Variants in MS4A7 observed in about 807,000 individuals in gnomAD.
MS4A7 encodes membrane spanning 4-domains A7, also known as membrane-spanning 4-domains subfamily A member 7.
Under a neutral mutation model 23.5 loss-of-function variants are expected in MS4A7, and 21 were observed. The ratio of observed to expected loss-of-function variants is 0.89; its 90% CI spans 0.63 to 1.29. The LOEUF (loss-of-function observed/expected upper bound fraction) is 1.29, where lower values mean the gene tolerates loss of function less well. MS4A7 is among the 50% of genes most tolerant of loss of function. MS4A7 has a pLI of 0.00. For missense variants in MS4A7, 263 were observed against 274.2 expected, an observed-to-expected ratio of 0.96 and a Z score of 0.29; for synonymous variants, 111 against 107.4, an observed-to-expected ratio of 1.03 and a Z score of -0.21.
chr11:60,388,540 G>A (rs116315365), intron 4 of MS4A7, among the ~76,000 whole-genome samples: 250 of 152,356 alleles, frequency 1.6e-3, no homozygotes, highest in African/African-American at 5.8e-3. Flanking sequence ...CACCATCCAT[G>A]TGTCCTCATC....
intron 4 of MS4A7, among the ~76,000 whole-genome samples, chr11:60,387,126 C>T (rs1399946930): frequency 6.6e-6 from 1 of 152,194 alleles, no homozygotes; most frequent in Non-Finnish European, 1.5e-5. Flanking sequence ...CCAGAGAGAG[C>T]CTACAGATCC....
At position 60,393,808 on chromosome 11, in the gene MS4A7, T is replaced by C; in HGVS notation, c.670T>C (p.Ser224Pro). ...CTAGAGTTCATTTTCCTCGACCCAG[T>C]CACAAGATCATATCCAACAGGTCAA... ...NPGSSFSSTQ[S>P]QDHIQQVKKS... Residue 224 changes from serine to proline, a missense_variant, in exon 7 of 7, where the codon TCA (serine) becomes CCA (proline). Ser to Pro is a moderately conservative substitution (Grantham distance 74). Transcript: ENST00000300184. The C allele has an allele frequency of 6.2e-7, 1 of 1,611,566 alleles. No individual in the cohort carries two copies. Among genetic ancestry groups the C allele is most frequent in the Non-Finnish European group, 8.5e-7 (1 of 1,179,070 alleles).
chr11:60,379,055 G>A (rs2085400621), intron 1 of MS4A7, among the ~76,000 whole-genome samples: 1 of 152,206 alleles, frequency 6.6e-6, no homozygotes, highest in African/African-American at 2.4e-5. Flanking sequence ...TATCTTCAAA[G>A]CACGGATTTT....
At chr11:60,389,930 T>A (rs1179030702) in intron 5 of MS4A7, 1 of 260,474 alleles carries the variant, frequency 3.8e-6, no homozygotes, top group Non-Finnish European at 7.5e-6. Context: ...TTCTTCCTAC[T>A]CATCACAGGC....
rs2085580832 is a variant in MS4A7, at chr11:60,393,831, CAA to C, written c.697_698del (p.Lys233GlufsTer27). On this transcript the variant is annotated frameshift_variant, in exon 7 of 7. Transcript: ENST00000300184. LOFTEE classifies it high-confidence loss of function. ...AGTCACAAGATCATATCCAACAGGT[CAA>C]AAAGAGTTCTTCACGGTCTTGGATA... ...TQSQDHIQQV[K>X]KSSSRSWI 1 of 1,611,218 alleles carries C rather than the reference CAA, an allele frequency of 6.2e-7. No individual in the cohort carries two copies. Among genetic ancestry groups the C allele is most frequent in the South Asian group, 1.1e-5 (1 of 90,610 alleles).
At position 60,386,382 on chromosome 11, in the gene MS4A7, G is replaced by T. The variant is rs866805728; in HGVS notation, c.283-335G>T. ...ATCTCTCTGTCCATTCAAGTCATTG[G>T]TCCATCTCAACCTCCTCTCTTTCAA... On this transcript the variant is annotated intron_variant, in intron 3 of 6. Coordinates refer to ENST00000300184, the MANE Select transcript of MS4A7 (RefSeq NM_021201.5). The T allele has an allele frequency of 6.9e-4, 164 of 239,124 alleles. 1 individual carries two copies. The Middle Eastern group carries it at 0.026, about 38-fold the overall frequency. The allele number at this position is 239,124 out of a possible 1,614,324, so 14.8% of individuals were successfully genotyped here. A position where few individuals can be genotyped will look rare whatever the true frequency, so the allele number is the denominator to read the frequency against.
chr11:60,389,395 G>C lies in MS4A7; in HGVS notation c.345G>C (p.Leu115=), dbSNP rs1438328351. The change falls in exon 5 of 7, where the codon CTG becomes CTC. Residue 115 remains leucine, a synonymous_variant. Coordinates refer to ENST00000300184, the MANE Select transcript of MS4A7 (RefSeq NM_021201.5). Reference sequence around the variant, plus strand: ...ATGCAGAGTTTCTCTTCCAGGACCTGAGCAGCTTGACCTCAAATGCAGTGA... The same window carrying C: ...ATGCAGAGTTTCTCTTCCAGGACCTCAGCAGCTTGACCTCAAATGCAGTGA... ...SGKQSTKPFD[L]SSLTSNAVSS... is the part of the protein sequence containing the mutation. 7 of 1,610,070 alleles carry C rather than the reference G, an allele frequency of 4.3e-6. No individual in the cohort carries two copies. In the East Asian group the frequency reaches 1.6e-4, roughly 36 times the overall value.
chr11:60,385,358 C>T, intron 3 of MS4A7, 136 bp downstream of exon 3: 1 of 897,848 alleles, frequency 1.1e-6, no homozygotes, highest in East Asian at 2.4e-5. Flanking sequence ...TATCATTGCC[C>T]CACGTCACAT....
intron 2 of MS4A7, 53 bp from the exon 3 acceptor site, chr11:60,385,035 T>A (rs1276231215): frequency 6.6e-7 from 1 of 1,525,644 alleles, no homozygotes; most frequent in Non-Finnish European, 9.1e-7. Flanking sequence ...ATTCAAATAA[T>A]CACTTTTATC....
chr11:60,389,736 G>A, intron 5 of MS4A7, 140 bp downstream of exon 5: 1 of 740,734 alleles, frequency 1.4e-6, no homozygotes, highest in Non-Finnish European at 2.3e-6. Flanking sequence ...ACTTGTGGTT[G>A]GAAGAGGCCT....
At position 60,380,263 on chromosome 11, in the gene MS4A7, C is replaced by T. The variant is rs77280376; in HGVS notation, c.-14+1599C>T. ...ATGGCATGGATAGAATGACTATTTC[C>T]GTAGAATTGTGAATGTCTGTGAACA... On this transcript the variant is annotated intron_variant, in intron 1 of 6. Coordinates refer to ENST00000300184, the MANE Select transcript of MS4A7 (RefSeq NM_021201.5). Among the ~76,000 whole-genome samples, 59 of 152,122 alleles carry T rather than the reference C, an allele frequency of 3.9e-4. No homozygotes were observed. The East Asian group carries it at 0.011, about 27-fold the overall frequency.
Position 60,392,803 on chromosome 11 carries a change from G to A in MS4A7, c.648+17G>A, listed in dbSNP as rs755455424. ...AACCCTGGGGTGAGTATGCTGACAT[G>A]TCGCCTGATACCTGCTGTGTCTCAG... is the stretch of plus-strand genomic sequence containing the variant. On this transcript the variant is annotated intron_variant, in intron 6 of 6. Transcript: ENST00000300184. 10 of 1,548,368 alleles carry A rather than the reference G, an allele frequency of 6.5e-6. No homozygotes were observed. Among genetic ancestry groups the A allele is most frequent in the Non-Finnish European group, 8.9e-6 (10 of 1,120,362 alleles).
In MS4A7 at chr11:60,393,804, C is replaced by T. The variant is rs774854665; in HGVS notation, c.666C>T (p.Thr222=). ...TTTTCTAGAGTTCATTTTCCTCGAC[C>T]CAGTCACAAGATCATATCCAACAGG... is the stretch of plus-strand genomic sequence containing the variant. ...SNNPGSSFSS[T]QSQDHIQQVK... is the part of the protein sequence containing the mutation. The change falls in exon 7 of 7, where the codon ACC becomes ACT. Residue 222 remains threonine (T), a synonymous_variant. Coordinates refer to ENST00000300184, the MANE Select transcript of MS4A7 (RefSeq NM_021201.5). The T allele has an allele frequency of 6.2e-6, 10 of 1,610,178 alleles. No homozygotes were observed. The highest frequency in any genetic ancestry group is 8.5e-6 in the Non-Finnish European group (10 of 1,178,524).
intron 6 of MS4A7, 55 bp from the exon 7 acceptor site, chr11:60,393,732 T>C (rs1308625950): frequency 6.9e-7 from 1 of 1,440,046 alleles, no homozygotes; most frequent in African/African-American, 1.4e-5. Flanking sequence ...TGAGTTATCT[T>C]TTTTAATCTC....
Position 60,394,008 on chromosome 11 carries a change from C to G in MS4A7, c.*147C>G, listed in dbSNP as rs1014014289. On this transcript the variant is annotated 3_prime_UTR_variant, in exon 7 of 7. Transcript: ENST00000300184. The stretch of plus-strand genomic sequence containing the variant: ...TGTTTTGTATTTGTTTACTATGAGT[C>G]GTTATTTAATTTCTCTTGAAAATAA... 2.2e-6 allele frequency: 1 copy of G among 459,662 alleles called. No homozygotes were observed. The allele number at this position is 459,662 out of a possible 1,614,324, so 28.5% of individuals were successfully genotyped here.
chr11:60,388,127 TGG>T (rs1182500184), intron 4 of MS4A7, among the ~76,000 whole-genome samples: 2 of 152,226 alleles, frequency 1.3e-5, no homozygotes, highest in Non-Finnish European at 2.9e-5. Context: ...GTAGTCCCAG[TGG>T]GCAGTATCTT....
chr11:60,381,708 A>T (rs1262349161), intron 1 of MS4A7, among the ~76,000 whole-genome samples: 2 of 152,184 alleles, frequency 1.3e-5, no homozygotes, highest in Non-Finnish European at 2.9e-5. Flanking sequence ...GCCTCCCCCT[A>T]TGCTGAGTCC....
intron 1 of MS4A7, among the ~76,000 whole-genome samples, chr11:60,382,210 C>G (rs887583927): frequency 6.6e-6 from 1 of 151,980 alleles, no homozygotes; most frequent in Non-Finnish European, 1.5e-5. Flanking sequence ...CTGGAATCTA[C>G]AAGGGAACTG....
At chr11:60,385,547 T>C (rs573396048) in intron 3 of MS4A7, among the ~76,000 whole-genome samples, 4 of 152,334 alleles carry the variant, frequency 2.6e-5, no homozygotes, top group African/African-American at 4.8e-5. Context: ...GATGAGGCCA[T>C]TGGATTCCCT....
Sources: gnomAD v4.1 joint callset for allele counts (sites outside exome capture counted in the v4.1 genomes callset) on GRCh38, gnomAD v4.1.1 for gene constraint, MANE v1.5 for transcripts, NCBI Gene and HGNC (gene_info 2026-07-23, HGNC 2026-07-21) for gene names.